Variants in TMPRSS5 observed in about 807,000 individuals in gnomAD.
TMPRSS5 encodes the protein transmembrane serine protease 5, also known as transmembrane protease serine 5.
Under a neutral mutation model 59.7 loss-of-function variants are expected in TMPRSS5, and 45 were observed. The observed-to-expected ratio is 0.75, with a 90% confidence interval of 0.59 to 0.97. The LOEUF is 0.97. TMPRSS5 is among the 50% of genes least tolerant of loss of function. The pLI is 0.00. For synonymous variants in TMPRSS5, 225 were observed against 232.0 expected, an observed-to-expected ratio of 0.97 and a Z score of 0.27; for missense variants, 585 against 596.7, an observed-to-expected ratio of 0.98 and a Z score of 0.20.
chr11:113,700,482 C>T (rs1458508025), intron 1 of TMPRSS5, among the ~76,000 whole-genome samples: 1 of 152,162 alleles, frequency 6.6e-6, no homozygotes, highest in Non-Finnish European at 1.5e-5. Flanking sequence ...TTGAAGGCAT[C>T]TACTAAAGTC....
intron 6 of TMPRSS5, among the ~76,000 whole-genome samples, chr11:113,696,137 C>A (rs534588324): frequency 6.6e-5 from 10 of 152,286 alleles, no homozygotes; most frequent in Non-Finnish European, 1.5e-5. Flanking sequence ...CCTGTCAGAA[C>A]CTTCCCAACT....
At chr11:113,691,169 G>A (rs190816177) in intron 9 of TMPRSS5, among the ~76,000 whole-genome samples, 19 of 152,124 alleles carry the variant, frequency 1.2e-4, no homozygotes, top group African/African-American at 3.4e-4. Context: ...TGTGCATGGC[G>A]CCCTCTATGG....
rs1591386312 is a variant in TMPRSS5, at chr11:113,699,263, CTCTCT to C, written c.206-241_206-237del. 1.7e-4 allele frequency among the ~76,000 whole-genome samples: 16 copies of C among 94,404 alleles called. No individual in the cohort carries two copies. The East Asian group carries it at 3.3e-3, about 19-fold the overall frequency. The allele number at this position is 94,404 out of a possible 152,430, so 61.9% of individuals were successfully genotyped here. A position where few individuals can be genotyped will look rare whatever the true frequency, so the allele number is the denominator to read the frequency against. ...TCTCTCTCTCTCTCTCTCTCTCTCT[CTCTCT>C]CTCCCTCTCTCTCTCTCTCTCTCTG... is the stretch of plus-strand genomic sequence containing the variant. On this transcript the variant is annotated intron_variant, in intron 3 of 12. Coordinates refer to ENST00000299882, the MANE Select transcript of TMPRSS5 (RefSeq NM_030770.4).
Position 113,688,092 on chromosome 11 carries a change from T to C in TMPRSS5, c.*168A>G. The C allele has an allele frequency of 8.9e-7, 1 of 1,123,980 alleles. No homozygotes were observed. Among genetic ancestry groups the C allele is most frequent in the African/African-American group, 1.6e-5 (1 of 62,116 alleles). The allele number at this position is 1,123,980 out of a possible 1,614,324, so 69.6% of individuals were successfully genotyped here. On this transcript the variant is annotated 3_prime_UTR_variant, in exon 13 of 13. Coordinates refer to ENST00000299882, the MANE Select transcript of TMPRSS5 (RefSeq NM_030770.4). ...TCAGGGCCCAAGAGGAGAGACCTGT[T>C]GGCTGGGTGGCTGGCCAGTGGGTAG... is the stretch of plus-strand genomic sequence containing the variant.
rs546354886 is a variant in TMPRSS5, at chr11:113,704,120, G to A, written c.3+2102C>T. Among the ~76,000 whole-genome samples the A allele has an allele frequency of 6.6e-5, 10 of 152,216 alleles. No individual in the cohort carries two copies. The South Asian group carries it at 1.9e-3, about 28-fold the overall frequency. ...AGAGGATTGAATCAGCAAAGGCAAAGGGATAAGAAAGCATAGAGCAGAGTA... is the reference window on the plus strand; with the variant it reads ...AGAGGATTGAATCAGCAAAGGCAAAAGGATAAGAAAGCATAGAGCAGAGTA... On this transcript the variant is annotated intron_variant, in intron 1 of 12. Transcript: ENST00000299882.
At chr11:113,693,344 T>A in intron 8 of TMPRSS5, 95 bp from the exon 9 acceptor site, 1 of 1,362,482 alleles carries the variant, frequency 7.3e-7, no homozygotes, top group East Asian at 2.6e-5. Flanking sequence ...AGAGCAGCCA[T>A]TGGTGGGGGG....
rs181671583 is a variant in TMPRSS5 at position 113,690,039 on chromosome 11, A to G, written c.1207-122T>C. On this transcript the variant is annotated intron_variant, in intron 11 of 12. Transcript: ENST00000299882. ...GGCCCCGCCTGCTTCTAGCTGAGAT[A>G]TCTGCTGGCCTCACCCCTCCTTAAA... 3.0e-4 allele frequency: 382 copies of G among 1,267,826 alleles called. No homozygotes were observed. In the African/African-American group the frequency reaches 3.5e-3, roughly 11 times the overall value. The allele number at this position is 1,267,826 out of a possible 1,614,324, so 78.5% of individuals were successfully genotyped here.
At chr11:113,699,376 G>T (rs1391290318) in intron 3 of TMPRSS5, among the ~76,000 whole-genome samples, 1 of 151,544 alleles carries the variant, frequency 6.6e-6, no homozygotes, top group African/African-American at 2.4e-5. Context: ...CACTGGGAAA[G>T]ATTTCCAGAA....
intron 9 of TMPRSS5, 43 bp downstream of exon 9, chr11:113,693,028 C>A (rs533675618): frequency 1.6e-5 from 23 of 1,403,872 alleles, no homozygotes; most frequent in East Asian, 2.8e-5. Flanking sequence ...CGCCCTCTCT[C>A]GCCATAGTCT....
rs150045381 is a variant in TMPRSS5 at position 113,690,546 on chromosome 11, T to A, written c.1064-173A>T. ...GCAGTAGGCTATCGGACTTGGGGGC[T>A]GGGAGTGGGAAGAGCAGGAGGACTC... On this transcript the variant is annotated intron_variant, in intron 10 of 12. Transcript: ENST00000299882. Among the ~76,000 whole-genome samples, 640 of 151,950 alleles carry A rather than the reference T, an allele frequency of 4.2e-3. 7 individuals carry two copies. The highest frequency in any genetic ancestry group is 0.013 in the African/African-American group (552 of 41,412).
rs563708069 is a variant in TMPRSS5 at position 113,698,792 on chromosome 11, A to C, written c.328+113T>G. ...CACTGCCCTCACACTAGAGGAGGGAAACACATATGGTTGGCAGTGAACAGA... is the reference window on the plus strand; with the variant it reads ...CACTGCCCTCACACTAGAGGAGGGACACACATATGGTTGGCAGTGAACAGA... On this transcript the variant is annotated intron_variant, in intron 4 of 12. Coordinates refer to ENST00000299882, the MANE Select transcript of TMPRSS5 (RefSeq NM_030770.4). 4.6e-4 allele frequency: 582 copies of C among 1,272,094 alleles called. 7 individuals carry two copies. The South Asian group carries it at 7.5e-3, about 16-fold the overall frequency. The allele number at this position is 1,272,094 out of a possible 1,614,324, so 78.8% of individuals were successfully genotyped here. A position where few individuals can be genotyped will look rare whatever the true frequency, so the allele number is the denominator to read the frequency against.
intron 2 of TMPRSS5, 163 bp downstream of exon 2, chr11:113,699,903 A>G (rs984502539): frequency 7.3e-5 from 109 of 1,501,058 alleles, no homozygotes; most frequent in Non-Finnish European, 9.5e-5. Context: ...CTCAATCCCT[A>G]AAGTGGGAAA....
intron 8 of TMPRSS5, among the ~76,000 whole-genome samples, chr11:113,694,121 T>G (rs1423551564): frequency 1.3e-5 from 2 of 151,752 alleles, no homozygotes; most frequent in South Asian, 2.1e-4. Flanking sequence ...TACAAAAAAT[T>G]AGCTGAACAT....
In TMPRSS5 at chr11:113,699,333, CTCTG is replaced by C. The variant is rs201526350; in HGVS notation, c.205+258_205+261del. ...TAGCTGTCTCTCAGTATGTCTCTGT[CTCTG>C]TCTGTGTGTGTTCTCTCTGTGTCTC... is the stretch of plus-strand genomic sequence containing the variant. On this transcript the variant is annotated intron_variant, in intron 3 of 12. Coordinates refer to ENST00000299882, the MANE Select transcript of TMPRSS5 (RefSeq NM_030770.4). Among the ~76,000 whole-genome samples, 292 of 147,220 alleles carry C rather than the reference CTCTG, an allele frequency of 2.0e-3. 9 individuals are homozygous for C. Among genetic ancestry groups the C allele is most frequent in the African/African-American group, 6.8e-3 (263 of 38,570 alleles).
At position 113,700,985 on chromosome 11, in the gene TMPRSS5, C is replaced by T. The variant is rs542628527; in HGVS notation, c.4-817G>A. Among the ~76,000 whole-genome samples the T allele has an allele frequency of 1.5e-4, 23 of 152,330 alleles. 1 individual carries two copies. The East Asian group carries it at 3.7e-3, about 24-fold the overall frequency. ...GGGCTTTTTCCCTCTCCACTCTGCACTTCTCTCTCCTGCCACCAGTTGAAG... is the reference window on the plus strand; with the variant it reads ...GGGCTTTTTCCCTCTCCACTCTGCATTTCTCTCTCCTGCCACCAGTTGAAG... On this transcript the variant is annotated intron_variant, in intron 1 of 12. Transcript: ENST00000299882.
rs140995560 is a variant in TMPRSS5, at chr11:113,704,369, G to C, written c.3+1853C>G. ...CTCCTCGAGTATCTTGTCTCTCTCT[G>C]TTATTCTCCATGCCATAAAGTCAGA... On this transcript the variant is annotated intron_variant, in intron 1 of 12. Transcript: ENST00000299882. Among the ~76,000 whole-genome samples, 581 of 152,228 alleles carry C rather than the reference G, an allele frequency of 3.8e-3. 3 individuals are homozygous for C. The highest frequency in any genetic ancestry group is 8.0e-3 in the Admixed American group (122 of 15,302).
intron 11 of TMPRSS5, 79 bp downstream of exon 11, chr11:113,690,152 G>A (rs1952725843): frequency 1.3e-6 from 2 of 1,487,652 alleles, no homozygotes; most frequent in Admixed American, 2.7e-5. Context: ...CCAGGGCAGG[G>A]GGCCAAGTCA....
At chr11:113,702,875 C>A (rs113332537) in intron 1 of TMPRSS5, among the ~76,000 whole-genome samples, 1 of 152,192 alleles carries the variant, frequency 6.6e-6, no homozygotes, top group South Asian at 2.1e-4. Flanking sequence ...TTGAAAACCT[C>A]CACCTAGATT....
intron 2 of TMPRSS5, 105 bp from the exon 3 acceptor site, chr11:113,699,798 A>G: frequency 1.4e-6 from 2 of 1,400,406 alleles, no homozygotes; most frequent in Non-Finnish European, 2.0e-6. Flanking sequence ...GAGCTCCAAC[A>G]GGACACCTCC....
Sources: gnomAD v4.1 joint callset for allele counts (sites outside exome capture counted in the v4.1 genomes callset) on GRCh38, gnomAD v4.1.1 for gene constraint, MANE v1.5 for transcripts, NCBI Gene and HGNC (gene_info 2026-07-23, HGNC 2026-07-21) for gene names.